CASQ2: variants seen among roughly 807,000 people sequenced by gnomAD.
CASQ2 encodes calsequestrin-2.
A neutral mutation model predicts 46.5 loss-of-function variants in CASQ2; 49 were observed. That is an observed-to-expected ratio of 1.05 (90% confidence interval 0.84 to 1.34). The LOEUF (loss-of-function observed/expected upper bound fraction) is 1.34. Among genes scored for constraint, CASQ2 ranks in the 40% most tolerant of loss-of-function variants. CASQ2 has a pLI of 0.00. For synonymous variants in CASQ2, 174 were observed against 168.5 expected (o/e 1.03, Z -0.25); for missense variants, 486 against 481.3 (o/e 1.01, Z -0.09).
chr1:115,743,610 A>C (rs1169950354), intron 2 of CASQ2, among the ~76,000 whole-genome samples: 2 of 152,210 alleles, frequency 1.3e-5, no homozygotes, highest in African/African-American at 2.4e-5. Context: ...TTGAAAATAA[A>C]ATAGAAAACA....
chr1:115,745,944 G>A (rs1227779936), intron 1 of CASQ2, among the ~76,000 whole-genome samples: 3 of 152,074 alleles, frequency 2.0e-5, no homozygotes, highest in African/African-American at 7.2e-5. Context: ...CACAAGGATC[G>A]CTCTGTTGTC....
chr1:115,723,176 C>T lies in CASQ2; in HGVS notation c.783+2332G>A, dbSNP rs116401144. Among the ~76,000 whole-genome samples, 828 of 152,276 alleles carry T rather than the reference C, an allele frequency of 5.4e-3. 9 individuals carry two copies. The highest frequency in any genetic ancestry group is 0.019 in the African/African-American group (794 of 41,548). ...TTTGCAGTAAAGGACATTGATGGGACAACTGGCCAATTTGAATAATGGTAG... is the reference window on the plus strand; with the variant it reads ...TTTGCAGTAAAGGACATTGATGGGATAACTGGCCAATTTGAATAATGGTAG... On this transcript the variant is annotated intron_variant, in intron 7 of 10. Coordinates refer to ENST00000261448, the MANE Select transcript of CASQ2 (RefSeq NM_001232.4).
intron 8 of CASQ2, among the ~76,000 whole-genome samples, chr1:115,706,369 T>A (rs534629333): frequency 9.9e-5 from 15 of 152,256 alleles, no homozygotes; most frequent in Non-Finnish European, 2.2e-4. Flanking sequence ...AACCCCCTAG[T>A]ATAGGAGCAC....
chr1:115,707,462 T>G (rs1011739011), intron 8 of CASQ2, among the ~76,000 whole-genome samples: 1 of 152,146 alleles, frequency 6.6e-6, no homozygotes, highest in African/African-American at 2.4e-5. Context: ...GCCCTAAGCA[T>G]TAGACTTCAT....
chr1:115,728,849 C>G (rs986787350), intron 5 of CASQ2, among the ~76,000 whole-genome samples: 1 of 152,010 alleles, frequency 6.6e-6, no homozygotes, highest in Admixed American at 6.6e-5. Context: ...TGGTGATAGT[C>G]TCGTCTCTGA....
chr1:115,752,076 A>C (rs1210544639), intron 1 of CASQ2, among the ~76,000 whole-genome samples: 1 of 152,138 alleles, frequency 6.6e-6, no homozygotes, highest in Non-Finnish European at 1.5e-5. Context: ...AGCCACCAAC[A>C]CATGCTCTGC....
chr1:115,757,166 G>A (rs1269877140), intron 1 of CASQ2, among the ~76,000 whole-genome samples: 3 of 152,114 alleles, frequency 2.0e-5, no homozygotes, highest in African/African-American at 7.2e-5. Context: ...ATAGGTGAAA[G>A]GAAAAATTTA....
At chr1:115,739,065 A>T (rs972411937) in intron 3 of CASQ2, among the ~76,000 whole-genome samples, 109 of 94,228 alleles carry the variant, frequency 1.2e-3, no homozygotes, top group Middle Eastern at 4.7e-3. Flanking sequence ...TCTTTTTTTA[A>T]AAAAAAAAAA....
At chr1:115,721,834 G>A (rs1647388446) in intron 7 of CASQ2, among the ~76,000 whole-genome samples, 3 of 152,320 alleles carry the variant, frequency 2.0e-5, no homozygotes, top group Non-Finnish European at 4.4e-5. Context: ...GCCTCCCAAA[G>A]TGCTGGGACT....
intron 1 of CASQ2, among the ~76,000 whole-genome samples, chr1:115,745,436 GT>G (rs1432793194): frequency 6.6e-6 from 1 of 152,140 alleles, no homozygotes; most frequent in Admixed American, 6.6e-5. Flanking sequence ...TCTTCTCAAG[GT>G]TTCCTGAAGC....
chr1:115,701,465 T>C (rs1014029101), intron 10 of CASQ2, 39 bp from the exon 11 acceptor site: 1 of 1,361,858 alleles, frequency 7.3e-7, no homozygotes, highest in African/African-American at 1.4e-5. Context: ...GGTAAATGCA[T>C]GAGGGCTGAA....
At chr1:115,743,920 C>G (rs961615610) in intron 2 of CASQ2, among the ~76,000 whole-genome samples, 3 of 151,214 alleles carry the variant, frequency 2.0e-5, no homozygotes, top group Non-Finnish European at 4.4e-5. Context: ...GCAGATCATT[C>G]AAGATCAAGA....
Position 115,728,587 on chromosome 1 carries a change from C to T in CASQ2, c.607-1465G>A, listed in dbSNP as rs542660584. Among the ~76,000 whole-genome samples, 8 of 152,160 alleles carry T rather than the reference C, an allele frequency of 5.3e-5. No homozygotes were observed. The East Asian group carries it at 1.5e-3, about 29-fold the overall frequency. ...TATTCTAGGAACCAGAAGACTGTTTCCATGAAAGGAGAAGTGATCAGAATG... is the reference window on the plus strand; with the variant it reads ...TATTCTAGGAACCAGAAGACTGTTTTCATGAAAGGAGAAGTGATCAGAATG... On this transcript the variant is annotated intron_variant, in intron 5 of 10. Transcript: ENST00000261448.
chr1:115,736,035 C>A (rs1170917207), intron 4 of CASQ2, among the ~76,000 whole-genome samples: 2 of 151,620 alleles, frequency 1.3e-5, no homozygotes, highest in Non-Finnish European at 2.9e-5. Flanking sequence ...TGGTGGCAGG[C>A]GCCTGTAATC....
At chr1:115,733,142 C>A (rs1213671145) in intron 4 of CASQ2, among the ~76,000 whole-genome samples, 168 bp from the exon 5 acceptor site, 2 of 152,074 alleles carry the variant, frequency 1.3e-5, no homozygotes, top group Non-Finnish European at 2.9e-5. Flanking sequence ...GCCCATAGTT[C>A]CCCCCAAGGA....
chr1:115,727,204 T>C, intron 5 of CASQ2, 82 bp from the exon 6 acceptor site: 2 of 1,111,298 alleles, frequency 1.8e-6, no homozygotes, highest in Non-Finnish European at 2.7e-6. Context: ...GATAAGTGTG[T>C]ATGTTTTCCG....
At chr1:115,737,533 C>G (rs1221707745) in intron 4 of CASQ2, among the ~76,000 whole-genome samples, 3 of 152,184 alleles carry the variant, frequency 2.0e-5, no homozygotes, top group African/African-American at 7.2e-5. Flanking sequence ...GGGGGCCATG[C>G]TGCCAAAGCA....
At chr1:115,767,890 C>G (rs1016231272) in intron 1 of CASQ2, among the ~76,000 whole-genome samples, 1 of 152,198 alleles carries the variant, frequency 6.6e-6, no homozygotes, top group African/African-American at 2.4e-5. Context: ...TAACTCTGGT[C>G]TCTCCAGGAT....
At chr1:115,767,839 T>C (rs867681571) in intron 1 of CASQ2, among the ~76,000 whole-genome samples, 2 of 152,134 alleles carry the variant, frequency 1.3e-5, no homozygotes, top group African/African-American at 2.4e-5. Context: ...AGTCATTTAG[T>C]GATATTCTCC....
Sources: gnomAD v4.1 joint callset for allele counts (sites outside exome capture counted in the v4.1 genomes callset) on GRCh38, gnomAD v4.1.1 for gene constraint, MANE v1.5 for transcripts, NCBI Gene and HGNC (gene_info 2026-07-23, HGNC 2026-07-21) for gene names.